KDM2B: variants seen among roughly 807,000 people sequenced by gnomAD.
The protein encoded by KDM2B is lysine-specific demethylase 2B.
A neutral mutation model predicts 150.0 loss-of-function variants in KDM2B; 26 were observed. That is an observed-to-expected ratio of 0.17 (90% confidence interval 0.13 to 0.24). The LOEUF (loss-of-function observed/expected upper bound fraction) is 0.24. KDM2B is among the 10% of genes least tolerant of loss of function. The pLI, the probability that KDM2B is intolerant of heterozygous loss-of-function variation, is 1.00. For synonymous variants in KDM2B, 734 were observed against 729.5 expected, an observed-to-expected ratio of 1.01 and a Z score of -0.10; for missense variants, 1,265 against 1,816.9, an observed-to-expected ratio of 0.70 and a Z score of 5.52.
At chr12:121,534,340 C>A (rs534433875) in intron 7 of KDM2B, among the ~76,000 whole-genome samples, 157 bp downstream of exon 7, 212 of 147,574 alleles carry the variant, frequency 1.4e-3, no homozygotes, top group African/African-American at 5.1e-3. Context: ...CAGAGCGAGA[C>A]TCCATCTCAA....
intron 4 of KDM2B, among the ~76,000 whole-genome samples, chr12:121,555,441 C>T (rs897040517): frequency 3.9e-5 from 6 of 152,296 alleles, no homozygotes; most frequent in Non-Finnish European, 8.8e-5. Flanking sequence ...GGCACGATCT[C>T]AGCACACTGC....
At chr12:121,542,980 G>A (rs1888721905) in intron 6 of KDM2B, among the ~76,000 whole-genome samples, 1 of 152,134 alleles carries the variant, frequency 6.6e-6, no homozygotes, top group Admixed American at 6.6e-5. Context: ...CAAATCTTTT[G>A]TCTCTGTGAA....
At chr12:121,552,507 T>C (rs1299558779) in intron 4 of KDM2B, among the ~76,000 whole-genome samples, 1 of 152,084 alleles carries the variant, frequency 6.6e-6, no homozygotes, top group East Asian at 1.9e-4. Flanking sequence ...ACCCTATCTC[T>C]ACTAAAAATA....
chr12:121,459,232 G>A (rs912937065), intron 12 of KDM2B, among the ~76,000 whole-genome samples: 2 of 152,100 alleles, frequency 1.3e-5, no homozygotes, highest in Non-Finnish European at 2.9e-5. Flanking sequence ...GTCATATTTT[G>A]ACCAAATGAT....
chr12:121,504,448 T>C (rs2140678483), intron 11 of KDM2B, among the ~76,000 whole-genome samples: 1 of 152,056 alleles, frequency 6.6e-6, no homozygotes, highest in East Asian at 1.9e-4. Context: ...GATGGGAGGA[T>C]TGCTTGAGCC....
chr12:121,489,655 G>T (rs1883149596), intron 12 of KDM2B, among the ~76,000 whole-genome samples: 2 of 152,064 alleles, frequency 1.3e-5, no homozygotes, highest in African/African-American at 4.8e-5. Flanking sequence ...AGTGAGGCTG[G>T]TCTCGAACTC....
the KDM2B span, among the ~76,000 whole-genome samples, chr12:121,416,842 C>CAG: frequency 6.6e-6 from 1 of 152,222 alleles, no homozygotes; most frequent in African/African-American, 2.4e-5. Context: ...GAAAGTCATT[C>CAG]AGAGACCCAT....
rs2138765092 is a variant in KDM2B, at chr12:121,453,016, TTC to T, written c.1959+102_1959+103del. On this transcript the variant is annotated intron_variant, in intron 13 of 22. Transcript: ENST00000377071. This position sits in a 1 kb window ranked among gnomAD's most constrained non-coding sequence, Gnocchi z 6.4. ...CTCTCGGGGAGTCCACAGCCCCGGC[TTC>T]TCTGTGTGCGGAGGGGCGGCCAGAG... 2 of 1,074,186 alleles carry T rather than the reference TTC, an allele frequency of 1.9e-6. No homozygotes were observed. The highest frequency in any genetic ancestry group is 1.6e-5 in the African/African-American group (1 of 62,134). 66.5% of individuals were successfully genotyped at this position (1,074,186 alleles called of 1,614,324 possible). A position where few individuals can be genotyped will look rare whatever the true frequency, so the allele number is the denominator to read the frequency against.
upstream of KDM2B, among the ~76,000 whole-genome samples, chr12:121,581,634 T>A (rs561047219): frequency 6.6e-6 from 1 of 152,284 alleles, no homozygotes; most frequent in South Asian, 2.1e-4. Flanking sequence ...AAAGGGACAT[T>A]GTAGATAGCA....
In KDM2B at chr12:121,438,296, A is replaced by T. The variant is rs909176142; in HGVS notation, c.3829+1561T>A. ...AATGCAGAGAGCTGTATGCACTGAG[A>T]TAAAAAGATGACCTCAATTTATCAT... On this transcript the variant is annotated intron_variant, in intron 22 of 22. Transcript: ENST00000377071. Among the ~76,000 whole-genome samples, 35 of 152,102 alleles carry T rather than the reference A, an allele frequency of 2.3e-4. 1 individual carries two copies. Among genetic ancestry groups the T allele is most frequent in the South Asian group, 4.2e-4 (2 of 4,810 alleles).
chr12:121,529,570 T>C (rs1444336792), intron 8 of KDM2B, among the ~76,000 whole-genome samples: 2 of 152,070 alleles, frequency 1.3e-5, no homozygotes, highest in African/African-American at 4.8e-5. Flanking sequence ...CTCAGATGTG[T>C]GTCTGTACGT....
At position 121,494,590 on chromosome 12, in the gene KDM2B, T is replaced by C. The variant is rs755273887; in HGVS notation, c.1723A>G (p.Lys575Glu). The C allele has an allele frequency of 1.9e-6, 3 of 1,613,068 alleles. No individual in the cohort carries two copies. Among genetic ancestry groups the C allele is most frequent in the Admixed American group, 1.7e-5 (1 of 59,918 alleles). The change falls in exon 12 of 23, where the codon AAG becomes GAG. Residue 575 changes from lysine to glutamate, a missense_variant. Physicochemically the swap from Lys to Glu is moderately conservative, Grantham distance 56. Around this residue, in one of 11 missense-constraint regions of KDM2B, gnomAD observed 69 missense variants for 85.7 expected, o/e 0.81. Coordinates refer to ENST00000377071, the MANE Select transcript of KDM2B (RefSeq NM_032590.5). ...AGGCTGCGTCTTACCTTTGGAGTCTTCTTTGGCCAAGTCACCACAGGGACC... is the reference window on the plus strand; with the variant it reads ...AGGCTGCGTCTTACCTTTGGAGTCTCCTTTGGCCAAGTCACCACAGGGACC... ...TGVPVVTWPK[K>E]TPKNRAVGRP...
intron 12 of KDM2B, among the ~76,000 whole-genome samples, chr12:121,455,123 G>A (rs1878019997): frequency 6.6e-6 from 1 of 152,094 alleles, no homozygotes; most frequent in South Asian, 2.1e-4. Flanking sequence ...AGCATTCAAG[G>A]AGCTTCCAGG....
chr12:121,540,725 AG>A (rs1370821646), intron 6 of KDM2B, among the ~76,000 whole-genome samples: 2 of 145,684 alleles, frequency 1.4e-5, no homozygotes, highest in Non-Finnish European at 3.0e-5. Flanking sequence ...CCGGCACTCC[AG>A]CCTGGGCAGC....
rs1555308157 is a variant in KDM2B at position 121,533,395 on chromosome 12, A to C, written c.778-436T>G. On this transcript the variant is annotated intron_variant, in intron 7 of 22. Transcript: ENST00000377071. The surrounding 1 kb of genome is among the most constrained non-coding windows in gnomAD (Gnocchi z 4.1). ...TCAAGTGGGTTGACTTCCTCCCAGA[A>C]TTTCTTCCAACACGTTCAGTTAAAA... 6.6e-6 allele frequency among the ~76,000 whole-genome samples: 1 copy of C among 152,118 alleles called. No individual in the cohort carries two copies. Among genetic ancestry groups the C allele is most frequent in the African/African-American group, 2.4e-5 (1 of 41,412 alleles).
intron 13 of KDM2B, among the ~76,000 whole-genome samples, chr12:121,450,626 G>A (rs868925315): frequency 9.8e-5 from 15 of 152,286 alleles, no homozygotes; most frequent in African/African-American, 3.6e-4. Flanking sequence ...TTGGGAGGCC[G>A]AGGCGGGTGG....
At chr12:121,523,656 G>A (rs537329272) in intron 8 of KDM2B, among the ~76,000 whole-genome samples, 2 of 152,340 alleles carry the variant, frequency 1.3e-5, no homozygotes, top group Non-Finnish European at 2.9e-5. Context: ...ACACTCAGCC[G>A]CTGTCCCTTC....
Position 121,443,724 on chromosome 12 carries a change from G to A in KDM2B, c.2521C>T (p.Leu841Phe), listed in dbSNP as rs373936120. The part of the protein sequence containing the change: ...LSPRPPLGSS[L>F]SPWWRSSLTY... ...AGACTGGATCTCCACCAGGGGCTGA[G>A]GCTGCTGCCTAGAGGGGGCCTCGGC... The change falls in exon 17 of 23, where the codon CTC (leucine) becomes TTC (phenylalanine). Residue 841 changes from leucine to phenylalanine, a missense_variant. Physicochemically the swap from Leu to Phe is conservative, Grantham distance 22 (BLOSUM62 0). Transcript: ENST00000377071. 1.2e-5 allele frequency: 19 copies of A among 1,612,108 alleles called. No individual in the cohort carries two copies. The highest frequency in any genetic ancestry group is 1.6e-5 in the Non-Finnish European group (19 of 1,179,866).
chr12:121,565,792 A>G (rs781826330), intron 4 of KDM2B, among the ~76,000 whole-genome samples: 3 of 149,852 alleles, frequency 2.0e-5, no homozygotes, highest in Non-Finnish European at 4.4e-5. Context: ...CACCCGGCTT[A>G]TTTTTTGTAT....
Sources: gnomAD v4.1 joint callset for allele counts (sites outside exome capture counted in the v4.1 genomes callset) on GRCh38, gnomAD v4.1.1 for gene constraint, gnomAD v4.1.1 regional missense constraint, Gnocchi (gnomAD v3.1) non-coding constraint, MANE v1.5 for transcripts, NCBI Gene and HGNC (gene_info 2026-07-23, HGNC 2026-07-21) for gene names.